Variants in ZFAND6 observed in about 807,000 individuals in gnomAD.
ZFAND6 encodes the protein zinc finger AN1-type containing 6.
In ZFAND6, 12 loss-of-function variants were observed where a neutral mutation model predicts 24.5. That is an observed-to-expected ratio of 0.49 (90% CI 0.31 to 0.79). The LOEUF (loss-of-function observed/expected upper bound fraction) is 0.79, where lower values mean the gene tolerates loss of function less well. Ranked by LOEUF, ZFAND6 falls within the 30% of genes least tolerant of loss-of-function variation. The pLI, the probability that ZFAND6 is intolerant of heterozygous loss-of-function variation, is 0.04. For synonymous variants in ZFAND6, 92 were observed against 81.5 expected (o/e 1.13, Z -0.69); for missense variants, 207 against 245.9 (o/e 0.84, Z 1.06).
intron 2 of ZFAND6, among the ~76,000 whole-genome samples, chr15:80,099,149 T>C (rs2038894032): frequency 6.6e-6 from 1 of 152,164 alleles, no homozygotes; most frequent in Non-Finnish European, 1.5e-5. Flanking sequence ...TTTTTTAAAG[T>C]ACTTTGAATA....
At chr15:80,129,566 A>C (rs1472830661) in intron 5 of ZFAND6, 2 of 152,190 alleles carry the variant, frequency 1.3e-5, no homozygotes, top group African/African-American at 2.4e-5. Flanking sequence ...CACATAAATA[A>C]AATAGGTAAG....
rs1303089457 is a variant in ZFAND6 at position 80,138,255 on chromosome 15, T to C, written c.*627T>C. 1 of 152,672 alleles carries C rather than the reference T, an allele frequency of 6.5e-6. No homozygotes were observed. Among genetic ancestry groups the C allele is most frequent in the African/African-American group, 2.4e-5 (1 of 41,462 alleles). 9.5% of individuals were successfully genotyped at this position (152,672 alleles called of 1,614,324 possible). On this transcript the variant is annotated 3_prime_UTR_variant, in exon 7 of 7. Transcript: ENST00000261749. Reference sequence around the variant, plus strand: ...AAAAGCTGTATGCATTTCATTGCTGTCTACAGGTTTCTTTCAGATTATGTT... The same window carrying C: ...AAAAGCTGTATGCATTTCATTGCTGCCTACAGGTTTCTTTCAGATTATGTT...
At chr15:80,127,213 A>G (rs1055737997) in intron 5 of ZFAND6, among the ~76,000 whole-genome samples, 2 of 152,110 alleles carry the variant, frequency 1.3e-5, no homozygotes, top group East Asian at 1.9e-4. Context: ...ACAATAGAAA[A>G]CCCATTTTAA....
At chr15:80,094,495 C>T (rs568907958) in intron 1 of ZFAND6, among the ~76,000 whole-genome samples, 1 of 147,022 alleles carries the variant, frequency 6.8e-6, no homozygotes, top group Non-Finnish European at 1.5e-5. Context: ...AAAACACACA[C>T]GGAAAATTTG....
At chr15:80,133,850 C>T (rs1007725954) in intron 6 of ZFAND6, among the ~76,000 whole-genome samples, 2 of 152,220 alleles carry the variant, frequency 1.3e-5, no homozygotes, top group African/African-American at 4.8e-5. Flanking sequence ...AAGATAAACA[C>T]CAGCTGCCAG....
chr15:80,135,294 C>A (rs763443420), intron 6 of ZFAND6, among the ~76,000 whole-genome samples: 1 of 152,076 alleles, frequency 6.6e-6, no homozygotes, highest in Non-Finnish European at 1.5e-5. Flanking sequence ...ATGTGTTAGT[C>A]GACTATGTTA....
intron 6 of ZFAND6, among the ~76,000 whole-genome samples, chr15:80,136,805 G>A (rs943698985): frequency 1.3e-5 from 2 of 152,120 alleles, no homozygotes; most frequent in Non-Finnish European, 2.9e-5. Flanking sequence ...TTAACTCCAG[G>A]CATTTTCTTA....
chr15:80,120,622 T>C (rs1187047244), intron 3 of ZFAND6, 124 bp downstream of exon 3: 2 of 812,834 alleles, frequency 2.5e-6, no homozygotes, highest in Non-Finnish European at 3.3e-6. Flanking sequence ...ATCAGTAAAA[T>C]TTCTCATTAC....
In ZFAND6 at chr15:80,137,403, G is replaced by A. The variant is rs1450190169; in HGVS notation, c.479-77G>A. 3 of 1,478,748 alleles carry A rather than the reference G, an allele frequency of 2.0e-6. No individual in the cohort carries two copies. The East Asian group carries it at 7.3e-5, about 36-fold the overall frequency. 91.6% of individuals were successfully genotyped at this position (1,478,748 alleles called of 1,614,324 possible). ...TACATTGCTGCCCTAAATATATTGT[G>A]CTGTTCAGTATTAATTATGCCAAAG... On this transcript the variant is annotated intron_variant, in intron 6 of 6. Coordinates refer to ENST00000261749, the MANE Select transcript of ZFAND6 (RefSeq NM_019006.4).
At chr15:80,080,889 A>C (rs1006942511) in intron 1 of ZFAND6, among the ~76,000 whole-genome samples, 1 of 152,186 alleles carries the variant, frequency 6.6e-6, no homozygotes, top group African/African-American at 2.4e-5. Context: ...AAACTATCTC[A>C]AGGACAGCAC....
intron 2 of ZFAND6, among the ~76,000 whole-genome samples, chr15:80,117,381 C>G (rs1273674660): frequency 6.6e-5 from 10 of 152,128 alleles, no homozygotes; most frequent in Admixed American, 6.5e-4. Context: ...TGCCGCTATG[C>G]CTGGCTGATT....
chr15:80,087,600 G>A (rs1423864725), intron 1 of ZFAND6, among the ~76,000 whole-genome samples: 1 of 151,958 alleles, frequency 6.6e-6, no homozygotes, highest in Non-Finnish European at 1.5e-5. Flanking sequence ...TTTTCTTCCA[G>A]TATTCTTAGC....
At chr15:80,100,624 C>A (rs2038979949) in intron 2 of ZFAND6, among the ~76,000 whole-genome samples, 1 of 152,140 alleles carries the variant, frequency 6.6e-6, no homozygotes. Context: ...TACTTTATTC[C>A]CTCTTCCTTG....
intron 2 of ZFAND6, among the ~76,000 whole-genome samples, chr15:80,105,303 A>C (rs1401410932): frequency 6.6e-6 from 1 of 152,214 alleles, no homozygotes; most frequent in Admixed American, 6.5e-5. Flanking sequence ...AAACGGTATC[A>C]TCTCAGGTGG....
chr15:80,070,039 A>G (rs2036886546), intron 1 of ZFAND6, among the ~76,000 whole-genome samples: 1 of 152,206 alleles, frequency 6.6e-6, no homozygotes, highest in Non-Finnish European at 1.5e-5. Context: ...CGTGCCAGAG[A>G]AAATGCCCAG....
rs542264336 is a variant in ZFAND6 at position 80,072,041 on chromosome 15, A to G, written c.-181+12232A>G. 2.6e-5 allele frequency among the ~76,000 whole-genome samples: 4 copies of G among 152,246 alleles called. No individual in the cohort carries two copies. The South Asian group carries it at 8.3e-4, about 32-fold the overall frequency. The stretch of plus-strand genomic sequence containing the variant: ...GCTTAGAAGTGAATCTTTTGCATTC[A>G]GTATTTTAGTGCTGTATATTTTCAC... On this transcript the variant is annotated intron_variant, in intron 1 of 6. Coordinates refer to ENST00000261749, the MANE Select transcript of ZFAND6 (RefSeq NM_019006.4).
intron 1 of ZFAND6, among the ~76,000 whole-genome samples, chr15:80,080,054 A>G (rs1289543256): frequency 6.7e-6 from 1 of 150,196 alleles, no homozygotes; most frequent in African/African-American, 2.5e-5. Flanking sequence ...GCTGGAGTGC[A>G]GTGGTGCAAT....
chr15:80,068,445 A>C (rs1164193267), intron 1 of ZFAND6, among the ~76,000 whole-genome samples: 3 of 147,652 alleles, frequency 2.0e-5, no homozygotes, highest in African/African-American at 7.5e-5. Flanking sequence ...GATCTCGGCT[A>C]ACTGCAGCCT....
In ZFAND6 at chr15:80,121,817, C is replaced by T. The variant is rs779533106; in HGVS notation, c.260C>T (p.Pro87Leu). Residue 87 changes from proline to leucine, a missense_variant, in exon 4 of 7, where the codon CCC (proline) becomes CTC (leucine). Physicochemically the swap from Pro to Leu is moderately conservative, Grantham distance 98. Coordinates refer to ENST00000261749, the MANE Select transcript of ZFAND6 (RefSeq NM_019006.4). ...GACTCTACATCTTCATCTATGCAGC[C>T]CAGGTAAGATGTACTCTCTGAATTC... ...ALDSTSSSMQ[P>L]SPVSNQSLLS... is the part of the protein sequence containing the mutation. 6.2e-7 allele frequency: 1 copy of T among 1,611,346 alleles called. No homozygotes were observed. The highest frequency in any genetic ancestry group is 1.7e-5 in the Admixed American group (1 of 59,916).
Sources: allele counts gnomAD v4.1 joint callset (sites outside exome capture counted in the v4.1 genomes callset), GRCh38; gene constraint gnomAD v4.1.1; transcripts MANE v1.5; gene names NCBI Gene and HGNC (gene_info 2026-07-23, HGNC 2026-07-21).